The following SPATS2 variants were observed in gnomAD, a reference collection of about 807,000 sequenced individuals.
The protein encoded by SPATS2 is spermatogenesis-associated serine-rich protein 2.
SPATS2 carries 38 observed loss-of-function variants against 63.7 expected under a neutral mutation model. The observed-to-expected ratio is 0.60, with a 90% CI of 0.46 to 0.78. SPATS2 has a LOEUF of 0.78. Among genes scored for constraint, SPATS2 ranks in the 30% least tolerant of loss-of-function variants. SPATS2 has a pLI of 0.00. For synonymous variants in SPATS2, 207 were observed against 232.9 expected (o/e 0.89, Z 1.01); for missense variants, 588 against 666.2 (o/e 0.88, Z 1.29).
In SPATS2 at chr12:49,371,302, C is replaced by G. The variant is rs1168946438; in HGVS notation, c.-244+12C>G. The G allele has an allele frequency of 6.6e-6, 1 of 152,214 alleles. No homozygotes were observed. Among genetic ancestry groups the G allele is most frequent in the East Asian group, 1.9e-4 (1 of 5,198 alleles). The allele number at this position is 152,214 out of a possible 1,614,324, so 9.4% of individuals were successfully genotyped here. ...TGGTTACCTCATATGTAAGTGGAAT[C>G]ATACAATATTTACTTTTTTGTGTCT... On this transcript the variant is annotated intron_variant, in intron 2 of 13. Coordinates refer to ENST00000552918, the MANE Select transcript of SPATS2 (RefSeq NM_023071.4).
chr12:49,486,955 T>C (rs1177625815), intron 4 of SPATS2, among the ~76,000 whole-genome samples: 6 of 152,120 alleles, frequency 3.9e-5, no homozygotes, highest in Non-Finnish European at 7.4e-5. Flanking sequence ...TTAAAAGATC[T>C]TTTCTCATCT....
intron 4 of SPATS2, chr12:49,486,393 G>A (rs1300531609): frequency 9.9e-6 from 3 of 302,550 alleles, no homozygotes; most frequent in African/African-American, 4.6e-5. Flanking sequence ...TTTTAGTAGA[G>A]AGGGTGTCAC....
At chr12:49,505,537 A>G (rs996863044) in intron 9 of SPATS2, among the ~76,000 whole-genome samples, 7 of 152,204 alleles carry the variant, frequency 4.6e-5, no homozygotes, top group South Asian at 2.1e-4. Flanking sequence ...TCAAAATCCA[A>G]ACTGCTCCAA....
At chr12:49,397,936 G>A (rs1337763948) in intron 2 of SPATS2, among the ~76,000 whole-genome samples, 5 of 150,354 alleles carry the variant, frequency 3.3e-5, no homozygotes, top group East Asian at 2.0e-4. Context: ...GATCATTTGA[G>A]CTCAGGAATT....
At chr12:49,410,530 T>C (rs950690303) in intron 2 of SPATS2, among the ~76,000 whole-genome samples, 1 of 152,158 alleles carries the variant, frequency 6.6e-6, no homozygotes, top group Non-Finnish European at 1.5e-5. Context: ...CCCCAACTTC[T>C]ACCTGACCTC....
At chr12:49,485,820 C>T (rs1237341420) in intron 4 of SPATS2, among the ~76,000 whole-genome samples, 2 of 143,346 alleles carry the variant, frequency 1.4e-5, no homozygotes, top group Non-Finnish European at 1.5e-5. Flanking sequence ...AGTGCAGTGA[C>T]GCAGTCTCGG....
chr12:49,421,148 G>A (rs1182857021), intron 2 of SPATS2, among the ~76,000 whole-genome samples: 1 of 152,086 alleles, frequency 6.6e-6, no homozygotes, highest in Non-Finnish European at 1.5e-5. Context: ...GGCCGGGTGC[G>A]GTGGCTAACG....
rs79929859 is a variant in SPATS2, at chr12:49,412,951, A to C, written c.-244+41661A>C. 6.9e-4 allele frequency among the ~76,000 whole-genome samples: 105 copies of C among 152,286 alleles called. 3 individuals are homozygous for C. In the East Asian group the frequency reaches 0.017, roughly 24 times the overall value. On this transcript the variant is annotated intron_variant, in intron 2 of 13. Coordinates refer to ENST00000552918, the MANE Select transcript of SPATS2 (RefSeq NM_023071.4). ...AAACATTTCAGCTGGGGAAAGAAGA[A>C]GGAACTGAGTAAGCATAAAGCTAGT...
chr12:49,461,732 G>A (rs1945825621), intron 3 of SPATS2, among the ~76,000 whole-genome samples: 1 of 152,136 alleles, frequency 6.6e-6, no homozygotes, highest in African/African-American at 2.4e-5. Context: ...CATAGATCCA[G>A]GTCTCACATG....
At chr12:49,502,827 C>A (rs898313692) in intron 9 of SPATS2, among the ~76,000 whole-genome samples, 1 of 152,130 alleles carries the variant, frequency 6.6e-6, no homozygotes, top group Non-Finnish European at 1.5e-5. Context: ...TTAACATTCA[C>A]ATTTCCTCTT....
Position 49,524,840 on chromosome 12 carries a change from G to C in SPATS2, c.1270G>C (p.Glu424Gln), listed in dbSNP as rs1947005507. 1.2e-6 allele frequency: 2 copies of C among 1,613,432 alleles called. No homozygotes were observed. The highest frequency in any genetic ancestry group is 2.2e-5 in the South Asian group (2 of 91,082). The change falls in exon 13 of 14, where the codon GAG (glutamate) becomes CAG (glutamine). Residue 424 changes from glutamate (E) to glutamine (Q), a missense_variant. Coordinates refer to ENST00000552918, the MANE Select transcript of SPATS2 (RefSeq NM_023071.4). ...SANKKNFAPG[E>Q]TPAAIANSSG... is the part of the protein sequence containing the mutation. ...TAACAAGAAAAACTTTGCACCGGGA[G>C]AGACTCCTGCAGCCATAGCAAACTC...
intron 3 of SPATS2, among the ~76,000 whole-genome samples, chr12:49,464,950 C>A (rs1437907971): frequency 6.6e-6 from 1 of 152,170 alleles, no homozygotes; most frequent in East Asian, 1.9e-4. Context: ...TTTGCATTTT[C>A]TAGAAATTTC....
chr12:49,510,893 G>A (rs12310046), intron 9 of SPATS2, among the ~76,000 whole-genome samples: 2,119 of 152,294 alleles, frequency 0.014, 47 homozygotes, highest in African/African-American at 0.046. Flanking sequence ...TTCAGTAACA[G>A]CTATTCTGAG....
intron 12 of SPATS2, 138 bp from the exon 13 acceptor site, chr12:49,524,544 C>G (rs1229186710): frequency 1.2e-6 from 1 of 850,520 alleles, no homozygotes; most frequent in Non-Finnish European, 1.8e-6. Flanking sequence ...CTTCCTGTTA[C>G]CAGTTTTATA....
intron 2 of SPATS2, among the ~76,000 whole-genome samples, chr12:49,400,361 G>A (rs985022207): frequency 6.6e-6 from 1 of 152,170 alleles, no homozygotes; most frequent in Non-Finnish European, 1.5e-5. Flanking sequence ...GAGTGTTGCT[G>A]TGAAGGAGAG....
rs541745282 is a variant in SPATS2 at position 49,401,742 on chromosome 12, G to A, written c.-244+30452G>A. Among the ~76,000 whole-genome samples, 7 of 151,984 alleles carry A rather than the reference G, an allele frequency of 4.6e-5. No individual in the cohort carries two copies. In the South Asian group the frequency reaches 6.2e-4, roughly 14 times the overall value. ...AGACAGGGTCTCACTCTGTCGCCCC[G>A]ACTGGAGTGCAGTGGCACGATCTCA... On this transcript the variant is annotated intron_variant, in intron 2 of 13. Coordinates refer to ENST00000552918, the MANE Select transcript of SPATS2 (RefSeq NM_023071.4).
At chr12:49,483,682 C>G (rs981770735) in intron 3 of SPATS2, among the ~76,000 whole-genome samples, 3 of 152,030 alleles carry the variant, frequency 2.0e-5, no homozygotes, top group Non-Finnish European at 2.9e-5. Flanking sequence ...TTTTTGTACC[C>G]CTTTTCTTAA....
intron 2 of SPATS2, among the ~76,000 whole-genome samples, chr12:49,439,971 ATATGTT>A (rs1158232190): frequency 1.3e-5 from 2 of 152,272 alleles, no homozygotes; most frequent in African/African-American, 4.8e-5. Flanking sequence ...TAAATTTAGA[ATATGTT>A]TATGCAGCAA....
At chr12:49,407,508 A>G (rs182281475) in intron 2 of SPATS2, among the ~76,000 whole-genome samples, 4 of 152,236 alleles carry the variant, frequency 2.6e-5, no homozygotes, top group Admixed American at 2.0e-4. Context: ...CTAAGATGCC[A>G]GGTTGTTTCT....
Sources: gnomAD v4.1 joint callset for allele counts (sites outside exome capture counted in the v4.1 genomes callset) on GRCh38, gnomAD v4.1.1 for gene constraint, MANE v1.5 for transcripts, NCBI Gene and HGNC (gene_info 2026-07-23, HGNC 2026-07-21) for gene names.